BBS4: variants seen among roughly 807,000 people sequenced by gnomAD.
The protein encoded by BBS4 is BBSome complex member BBS4.
BBS4 carries 58 observed loss-of-function variants against 71.4 expected under a neutral mutation model. The observed-to-expected ratio is 0.81, with a 90% CI of 0.66 to 1.01. The LOEUF is 1.01. Among genes scored for constraint, BBS4 ranks in the 50% least tolerant of loss-of-function variants. The pLI, the probability that BBS4 is intolerant of heterozygous loss-of-function variation, is 0.00. For synonymous variants in BBS4, 228 were observed against 216.8 expected (o/e 1.05, Z -0.46); for missense variants, 660 against 607.9 (o/e 1.09, Z -0.90).
intron 12 of BBS4, among the ~76,000 whole-genome samples, chr15:72,732,772 C>T (rs953436371): frequency 1.8e-4 from 27 of 152,278 alleles, no homozygotes; most frequent in South Asian, 6.2e-4. Flanking sequence ...TGGGGAAGCA[C>T]CAGGTCAATC....
At chr15:72,722,650 A>G in intron 6 of BBS4, 144 bp from the exon 7 acceptor site, 1 of 701,236 alleles carries the variant, frequency 1.4e-6, no homozygotes, top group Non-Finnish European at 2.6e-6. Flanking sequence ...TTGAGTATGA[A>G]CTCTAATAAA....
chr15:72,721,789 A>G (rs985220851), intron 6 of BBS4, among the ~76,000 whole-genome samples: 49 of 152,262 alleles, frequency 3.2e-4, no homozygotes, highest in Middle Eastern at 3.4e-3. Flanking sequence ...AGTTCTTACT[A>G]TGTTTCCCAA....
rs745338483 is a variant in BBS4, at chr15:72,715,310, A to G, written c.240A>G (p.Glu80=). ...IYVQALIFRL[E]GNIQESLELF... ...TGGCAGCATTGATATTTCGCCTAGA[A>G]GGAAATATCCAAGAATCCCTAGAAC... The change falls in exon 5 of 16, where the codon GAA becomes GAG. Residue 80 remains glutamate, a synonymous_variant. Transcript: ENST00000268057. The G allele has an allele frequency of 7.4e-6, 12 of 1,612,348 alleles. No individual in the cohort carries two copies. Among genetic ancestry groups the G allele is most frequent in the Non-Finnish European group, 1.0e-5 (12 of 1,178,436 alleles).
At chr15:72,704,443 T>A (rs1264478403) in intron 2 of BBS4, 1 of 1,287,740 alleles carries the variant, frequency 7.8e-7, no homozygotes, top group Non-Finnish European at 1.0e-6. Context: ...GAGTGAGCAA[T>A]GATTTGGAAT....
At chr15:72,714,387 A>G (rs933560552) in intron 4 of BBS4, among the ~76,000 whole-genome samples, 2 of 151,986 alleles carry the variant, frequency 1.3e-5, no homozygotes, top group African/African-American at 4.8e-5. Flanking sequence ...CACCATGTCC[A>G]GCTAGTTTTT....
At chr15:72,711,478 C>T (rs1310047014) in intron 3 of BBS4, among the ~76,000 whole-genome samples, 3 of 152,150 alleles carry the variant, frequency 2.0e-5, no homozygotes, top group African/African-American at 7.2e-5. Context: ...GGTTCTCTTT[C>T]TTTTTCATCT....
At chr15:72,694,621 G>GT (rs1315660016) in intron 1 of BBS4, among the ~76,000 whole-genome samples, 1 of 152,022 alleles carries the variant, frequency 6.6e-6, no homozygotes, top group African/African-American at 2.4e-5. Context: ...AAGGATTGGT[G>GT]TTTCTCATTA....
intron 1 of BBS4, among the ~76,000 whole-genome samples, chr15:72,689,707 A>G (rs910030896): frequency 9.7e-6 from 1 of 103,282 alleles, no homozygotes; most frequent in African/African-American, 3.5e-5. Flanking sequence ...GGGCAGAGTG[A>G]GACTTTGTCT....
intron 1 of BBS4, chr15:72,686,618 T>G: frequency 7.8e-7 from 1 of 1,275,922 alleles, no homozygotes; most frequent in South Asian, 1.2e-5. Context: ...AATTGGGAAT[T>G]TAACATGCCT....
At chr15:72,690,804 A>G (rs764420254) in intron 1 of BBS4, among the ~76,000 whole-genome samples, 1 of 152,178 alleles carries the variant, frequency 6.6e-6, no homozygotes, top group Non-Finnish European at 1.5e-5. Context: ...TCTGCAGGCT[A>G]TATACGAGTT....
intron 2 of BBS4, among the ~76,000 whole-genome samples, chr15:72,706,842 T>TA (rs2065272285): frequency 6.6e-6 from 1 of 152,100 alleles, no homozygotes; most frequent in Admixed American, 6.6e-5. Flanking sequence ...TTTATTTTTT[T>TA]AAAAAAATTA....
rs1408112708 is a variant in BBS4, at chr15:72,729,510, A to T, written c.643-106A>T. ...GGTGATCCACCCACCTTAGCCTCCC[A>T]AAGTGCTGGGATTATAGGCATTAGC... On this transcript the variant is annotated intron_variant, in intron 9 of 15. Coordinates refer to ENST00000268057, the MANE Select transcript of BBS4 (RefSeq NM_033028.5). 5.8e-5 allele frequency: 61 copies of T among 1,047,030 alleles called. No homozygotes were observed. In the South Asian group the frequency reaches 7.6e-4, roughly 13 times the overall value. The allele number at this position is 1,047,030 out of a possible 1,614,324, so 64.9% of individuals were successfully genotyped here.
At chr15:72,728,107 T>G in intron 9 of BBS4, 113 bp downstream of exon 9, 1 of 752,386 alleles carries the variant, frequency 1.3e-6, no homozygotes, top group Non-Finnish European at 2.4e-6. Context: ...TCATATAAAG[T>G]TCATGAACTA....
intron 1 of BBS4, among the ~76,000 whole-genome samples, chr15:72,693,155 C>T (rs2065016948): frequency 6.6e-6 from 1 of 152,090 alleles, no homozygotes; most frequent in Admixed American, 6.6e-5. Context: ...AAATGTATGC[C>T]ATTGTTGTTT....
chr15:72,725,057 T>TATATAGAGAGAG (rs369692212), intron 8 of BBS4, among the ~76,000 whole-genome samples: 2 of 127,592 alleles, frequency 1.6e-5, no homozygotes, highest in East Asian at 2.3e-4. Context: ...TATATATATA[T>TATATAGAGAGAG]AGAGAGAGAG....
In BBS4 at chr15:72,712,274, C is replaced by T. The variant is rs1338469029; in HGVS notation, c.187C>T (p.Gln63Ter). The change falls in exon 4 of 16, where the codon CAG becomes TAG. Residue 63 changes from glutamine to a stop codon, truncating the protein, a stop_gained. Transcript: ENST00000268057. LOFTEE classifies it high-confidence loss of function. ...TATCAAAGAACAGCTTCAAGAGACTCAGGGATTGTGTGAATATGCTATCTA... is the reference window on the plus strand; with the variant it reads ...TATCAAAGAACAGCTTCAAGAGACTTAGGGATTGTGTGAATATGCTATCTA... ...AVIKEQLQET[Q>*]GLCEYAIYVQ... 1.9e-6 allele frequency: 3 copies of T among 1,614,104 alleles called. No homozygotes were observed. The highest frequency in any genetic ancestry group is 3.3e-5 in the Admixed American group (2 of 60,014).
chr15:72,686,869 A>C (rs897740112), intron 1 of BBS4: 1 of 306,996 alleles, frequency 3.3e-6, no homozygotes, highest in African/African-American at 2.2e-5. Context: ...AGCTTTGTTT[A>C]CCTTGCTTTA....
chr15:72,727,882 T>C, intron 8 of BBS4, 58 bp from the exon 9 acceptor site: 10 of 1,283,654 alleles, frequency 7.8e-6, no homozygotes, highest in South Asian at 3.6e-5. Flanking sequence ...TTACTGTGCA[T>C]GTGTCTTCGT....
At chr15:72,731,065 CTTTTTTTTTTTTTTTTT>C (rs35004414) in intron 10 of BBS4, among the ~76,000 whole-genome samples, 5 of 77,610 alleles carry the variant, frequency 6.4e-5, no homozygotes, top group African/African-American at 2.3e-4. Context: ...AACATTTTAT[CTTTTTTTTTTTTTTTTT>C]TTTTTTTTTT....
Sources: gnomAD v4.1 joint callset for allele counts (sites outside exome capture counted in the v4.1 genomes callset) on GRCh38, gnomAD v4.1.1 for gene constraint, MANE v1.5 for transcripts, NCBI Gene and HGNC (gene_info 2026-07-23, HGNC 2026-07-21) for gene names.